PDE1A: variants seen among roughly 807,000 people sequenced by gnomAD.
The protein encoded by PDE1A is phosphodiesterase 1A.
PDE1A carries 35 observed loss-of-function variants against 61.7 expected under a neutral mutation model. The observed-to-expected ratio is 0.57, with a 90% confidence interval of 0.43 to 0.75. The LOEUF (loss-of-function observed/expected upper bound fraction) is 0.75. PDE1A is among the 30% of genes least tolerant of loss of function. The pLI, the probability that PDE1A is intolerant of heterozygous loss-of-function variation, is 0.00. For synonymous variants in PDE1A, 232 were observed against 213.2 expected (o/e 1.09, Z -0.77); for missense variants, 597 against 630.6 (o/e 0.95, Z 0.57).
intron 2 of PDE1A, among the ~76,000 whole-genome samples, chr2:182,496,775 C>G (rs1028879077): frequency 6.6e-6 from 1 of 152,214 alleles, no homozygotes; most frequent in Non-Finnish European, 1.5e-5. Context: ...GTAGTGATGG[C>G]AGCCCAGAGG....
At chr2:182,210,006 T>C (rs949558445) in intron 7 of PDE1A, among the ~76,000 whole-genome samples, 2 of 152,198 alleles carry the variant, frequency 1.3e-5, no homozygotes, top group African/African-American at 4.8e-5. Context: ...CAAGTTTTCT[T>C]GTCTGCATAT....
intron 2 of PDE1A, among the ~76,000 whole-genome samples, chr2:182,435,591 T>A (rs1169959060): frequency 6.6e-6 from 1 of 152,042 alleles, no homozygotes; most frequent in African/African-American, 2.4e-5. Context: ...ATATCAAAGT[T>A]TTAAAGCATC....
At chr2:182,351,339 A>C (rs1473047395) in intron 1 of PDE1A, among the ~76,000 whole-genome samples, 1 of 152,218 alleles carries the variant, frequency 6.6e-6, no homozygotes, top group Non-Finnish European at 1.5e-5. Context: ...AATGGGTACA[A>C]GTAAGGGGTA....
the PDE1A span, among the ~76,000 whole-genome samples, chr2:182,687,898 C>T: frequency 2.0e-5 from 3 of 151,998 alleles, no homozygotes; most frequent in Non-Finnish European, 4.4e-5. Flanking sequence ...GCTTCGTAGC[C>T]GATTCGATCA....
rs559392112 is a variant in PDE1A at position 182,152,412 on chromosome 2, CTTTTTTT to C, written c.1517-5267_1517-5261del. Reference sequence around the variant, plus strand: ...GAAATACTTTCCCTATTTTTTTCCTCTTTTTTTTTTTTTTTTTTTTTTTTTGAGATGG... The same window carrying C: ...GAAATACTTTCCCTATTTTTTTCCTCTTTTTTTTTTTTTTTTTTGAGATGG... On this transcript the variant is annotated intron_variant, in intron 13 of 13. Coordinates refer to the PDE1A transcript ENST00000409365. Among the ~76,000 whole-genome samples, 97 of 75,300 alleles carry C rather than the reference CTTTTTTT, an allele frequency of 1.3e-3. 1 individual carries two copies. Among genetic ancestry groups the C allele is most frequent in the South Asian group, 9.0e-3 (16 of 1,780 alleles). The allele number at this position is 75,300 out of a possible 152,430, so 49.4% of individuals were successfully genotyped here.
At chr2:182,166,453 C>G (rs1002269569), downstream of PDE1A, among the ~76,000 whole-genome samples, 14 of 152,188 alleles carry the variant, frequency 9.2e-5, no homozygotes, top group Non-Finnish European at 1.5e-5. Context: ...GCTCCAGGTT[C>G]TCAACCTTTG....
chr2:182,305,550 G>A (rs781332710), intron 1 of PDE1A, among the ~76,000 whole-genome samples: 3 of 151,862 alleles, frequency 2.0e-5, no homozygotes, highest in African/African-American at 4.8e-5. Flanking sequence ...CTCTGAATTC[G>A]GACAACACTT....
intron 1 of PDE1A, chr2:182,522,555 T>G: frequency 7.1e-7 from 1 of 1,417,368 alleles, no homozygotes; most frequent in Non-Finnish European, 9.2e-7. Context: ...GACAGGCATA[T>G]ATCCACTGCT....
chr2:182,677,831 A>C, the PDE1A span, among the ~76,000 whole-genome samples: 268 of 152,354 alleles, frequency 1.8e-3, no homozygotes, highest in African/African-American at 5.9e-3. Flanking sequence ...CAGAAGATTG[A>C]AACTGGACCC....
the PDE1A span, among the ~76,000 whole-genome samples, chr2:182,573,243 A>G: frequency 6.6e-6 from 1 of 152,150 alleles, no homozygotes; most frequent in Non-Finnish European, 1.5e-5. Flanking sequence ...ACCTGCTTTC[A>G]TGTAACTGTT....
intron 1 of PDE1A, among the ~76,000 whole-genome samples, chr2:182,343,692 G>A (rs1698339561): frequency 1.3e-5 from 2 of 151,810 alleles, no homozygotes. Context: ...TGGGTATTGT[G>A]GTACCAGAAT....
chr2:182,623,225 G>A, the PDE1A span, among the ~76,000 whole-genome samples: 1 of 152,112 alleles, frequency 6.6e-6, no homozygotes, highest in Non-Finnish European at 1.5e-5. Flanking sequence ...AAGAAATGAG[G>A]ATGGAGGTGA....
At chr2:182,479,880 G>A (rs938668757) in intron 2 of PDE1A, among the ~76,000 whole-genome samples, 1 of 150,982 alleles carries the variant, frequency 6.6e-6, no homozygotes, top group Non-Finnish European at 1.5e-5. Context: ...ATGTACATAG[G>A]AAGAAAGGAC....
chr2:182,455,093 A>C (rs1174812863), intron 2 of PDE1A, among the ~76,000 whole-genome samples: 1 of 151,906 alleles, frequency 6.6e-6, no homozygotes, highest in Non-Finnish European at 1.5e-5. Context: ...AAATGTGGGC[A>C]AAGGTTATGA....
chr2:182,499,477 G>A (rs1688957572), intron 2 of PDE1A, among the ~76,000 whole-genome samples: 1 of 152,122 alleles, frequency 6.6e-6, no homozygotes, highest in Non-Finnish European at 1.5e-5. Flanking sequence ...ACCAGCCTTG[G>A]CCTCCCAAAG....
At chr2:182,221,242 G>A (rs938628482) in intron 7 of PDE1A, among the ~76,000 whole-genome samples, 1 of 151,950 alleles carries the variant, frequency 6.6e-6, no homozygotes, top group South Asian at 2.1e-4. Context: ...GCTGGAAGAG[G>A]CCAGCCCACT....
intron 1 of PDE1A, among the ~76,000 whole-genome samples, chr2:182,316,633 A>C (rs1313172367): frequency 6.6e-6 from 1 of 152,190 alleles, no homozygotes. Flanking sequence ...GAAGATATTC[A>C]GAAAACTAAG....
intron 1 of PDE1A, among the ~76,000 whole-genome samples, chr2:182,402,823 T>C (rs553007929): frequency 7.4e-4 from 112 of 152,206 alleles, no homozygotes; most frequent in African/African-American, 2.6e-3. Context: ...CTTAAACAAA[T>C]TTATAAGAAA....
intron 10 of PDE1A, among the ~76,000 whole-genome samples, chr2:182,200,874 G>A (rs1686561843): frequency 1.3e-5 from 2 of 152,172 alleles, no homozygotes; most frequent in African/African-American, 4.8e-5. Flanking sequence ...CTCCAGCTTG[G>A]ATTGTGGGGG....
Sources: allele counts gnomAD v4.1 joint callset (sites outside exome capture counted in the v4.1 genomes callset), GRCh38; gene constraint gnomAD v4.1.1; transcripts MANE v1.5; gene names NCBI Gene and HGNC (gene_info 2026-07-23, HGNC 2026-07-21).